Variants in MKNK1 observed in about 807,000 individuals in gnomAD.
MKNK1 encodes MAP kinase-interacting serine/threonine-protein kinase 1.
In MKNK1, 30 loss-of-function variants were observed where a neutral mutation model predicts 49.3. That is an observed-to-expected ratio of 0.61 (90% CI 0.46 to 0.83). The LOEUF (loss-of-function observed/expected upper bound fraction) is 0.83, where lower values mean the gene tolerates loss of function less well. Among genes scored for constraint, MKNK1 ranks in the 40% least tolerant of loss-of-function variants. The pLI, the probability that MKNK1 is intolerant of heterozygous loss-of-function variation, is 0.00. For missense variants in MKNK1, 423 were observed against 524.7 expected (o/e 0.81, Z 1.89); for synonymous variants, 176 against 201.7 (o/e 0.87, Z 1.08).
chr1:46,568,273 C>T (rs962720176), intron 8 of MKNK1, 170 bp downstream of exon 8: 20 of 633,600 alleles, frequency 3.2e-5, no homozygotes, highest in East Asian at 1.4e-4. Context: ...GAAGAAAGGA[C>T]GAGGATGGGC....
intron 12 of MKNK1, 106 bp from the exon 13 acceptor site, chr1:46,558,906 G>C (rs1045524534): frequency 1.1e-6 from 1 of 944,740 alleles, no homozygotes; most frequent in Non-Finnish European, 1.6e-6. Context: ...GCTCCCACCA[G>C]ATTTCCCAGA....
intron 7 of MKNK1, chr1:46,568,735 G>A (rs1227952652): frequency 1.9e-6 from 1 of 534,084 alleles, no homozygotes; most frequent in Non-Finnish European, 3.4e-6. Context: ...GATAAGAAGG[G>A]CTAAATGAAT....
chr1:46,578,685 CAA>C (rs1351563409), intron 4 of MKNK1, among the ~76,000 whole-genome samples: 5 of 150,584 alleles, frequency 3.3e-5, no homozygotes, highest in Non-Finnish European at 5.9e-5. Flanking sequence ...CTCCTGGGCT[CAA>C]GTGATCCTCC....
chr1:46,581,308 C>T (rs999694420), intron 3 of MKNK1, among the ~76,000 whole-genome samples: 7 of 151,810 alleles, frequency 4.6e-5, no homozygotes, highest in Admixed American at 6.6e-5. Flanking sequence ...GTGAAGAAAT[C>T]GAGACCATCC....
Position 46,564,466 on chromosome 1 carries a change from G to GTTTTTTTTTTTT in MKNK1, c.609+563_609+574dup, listed in dbSNP as rs568296534. Among the ~76,000 whole-genome samples, 38 of 70,170 alleles carry GTTTTTTTTTTTT rather than the reference G, an allele frequency of 5.4e-4. 6 individuals carry two copies. The highest frequency in any genetic ancestry group is 1.8e-3 in the African/African-American group (26 of 14,668). 46.0% of individuals were successfully genotyped at this position (70,170 alleles called of 152,430 possible). A position where few individuals can be genotyped will look rare whatever the true frequency, so the allele number is the denominator to read the frequency against. ...GGGCTCAGCCTGTGTTTTTTTTATTGTTTTTTTTTTTTTTTTTTTTTTTTT... is the reference window on the plus strand; with the variant it reads ...GGGCTCAGCCTGTGTTTTTTTTATTGTTTTTTTTTTTTTTTTTTTTTTTTTTTTTTTTTTTTT... On this transcript the variant is annotated intron_variant, in intron 9 of 12. Transcript: ENST00000371945.
At position 46,558,439 on chromosome 1, in the gene MKNK1, G is replaced by C; in HGVS notation, c.*136C>G. 1 of 872,066 alleles carries C rather than the reference G, an allele frequency of 1.1e-6. No homozygotes were observed. Among genetic ancestry groups the C allele is most frequent in the Admixed American group, 3.2e-5 (1 of 30,798 alleles). 54.0% of individuals were successfully genotyped at this position (872,066 alleles called of 1,614,324 possible). A position where few individuals can be genotyped will look rare whatever the true frequency, so the allele number is the denominator to read the frequency against. On this transcript the variant is annotated 3_prime_UTR_variant, in exon 13 of 13. Transcript: ENST00000371945. ...AAATGGGGGTTGATGGGAACCTCAG[G>C]GCCTTCGTAGATGAAAAAGCCTGAA... is the stretch of plus-strand genomic sequence containing the variant.
chr1:46,572,197 C>T, intron 6 of MKNK1, 30 bp from the exon 7 acceptor site: 1 of 1,585,868 alleles, frequency 6.3e-7, no homozygotes, highest in Non-Finnish European at 8.7e-7. Context: ...TAGAAGAATG[C>T]CTTTTTGGGC....
chr1:46,571,119 T>G (rs1218890080), intron 7 of MKNK1, among the ~76,000 whole-genome samples: 1 of 152,248 alleles, frequency 6.6e-6, no homozygotes, highest in Non-Finnish European at 1.5e-5. Context: ...GTGGAAAGAT[T>G]TAATTCACTA....
intron 10 of MKNK1, among the ~76,000 whole-genome samples, 186 bp from the exon 11 acceptor site, chr1:46,561,828 A>G (rs1461221194): frequency 6.6e-6 from 1 of 152,230 alleles, no homozygotes; most frequent in Non-Finnish European, 1.5e-5. Flanking sequence ...CAAACTATAT[A>G]GAATGCCCTT....
intron 2 of MKNK1, among the ~76,000 whole-genome samples, chr1:46,592,785 C>T (rs1673516688): frequency 6.6e-6 from 1 of 152,164 alleles, no homozygotes; most frequent in South Asian, 2.1e-4. Context: ...GTGTTTAATT[C>T]CTCTGTATCC....
Position 46,565,063 on chromosome 1 carries a change from G to T in MKNK1, c.587C>A (p.Thr196Asn). ...MKLNNSCTPI[T>N]TPELTTPCGS... ...TACTGGGGTGGTCAGCTCTGGTGTG[G>T]TTATGGGGGTACAGGAGTTGTTCAG... Residue 196 changes from threonine to asparagine, a missense_variant, in exon 9 of 13, where the codon ACC becomes AAC. Coordinates refer to ENST00000371945, the MANE Select transcript of MKNK1 (RefSeq NM_001135553.4). 1 of 1,614,200 alleles carries T rather than the reference G, an allele frequency of 6.2e-7. No individual in the cohort carries two copies. Among genetic ancestry groups the T allele is most frequent in the South Asian group, 1.1e-5 (1 of 91,088 alleles).
At chr1:46,576,316 C>A in intron 5 of MKNK1, 1 of 372,566 alleles carries the variant, frequency 2.7e-6, no homozygotes, top group East Asian at 5.4e-5. Flanking sequence ...CCCCAACAAC[C>A]ACTGATTCAG....
At chr1:46,601,675 C>T (rs1362930651) in intron 1 of MKNK1, among the ~76,000 whole-genome samples, 2 of 152,198 alleles carry the variant, frequency 1.3e-5, no homozygotes, top group Non-Finnish European at 2.9e-5. Flanking sequence ...CTGGGGCCCT[C>T]CTTAGGCACA....
chr1:46,588,543 C>T (rs191821661), intron 2 of MKNK1, among the ~76,000 whole-genome samples: 1 of 152,198 alleles, frequency 6.6e-6, no homozygotes, highest in African/African-American at 2.4e-5. Flanking sequence ...CGTGGTGGCT[C>T]ACGCCTGTAA....
At chr1:46,572,316 G>A (rs997799993) in intron 6 of MKNK1, 149 bp from the exon 7 acceptor site, 7 of 556,376 alleles carry the variant, frequency 1.3e-5, no homozygotes, top group Middle Eastern at 4.2e-4. Flanking sequence ...GGGTTCAAGC[G>A]ATTCTCCTGT....
intron 2 of MKNK1, among the ~76,000 whole-genome samples, chr1:46,587,988 T>A (rs1672814950): frequency 6.6e-6 from 1 of 152,254 alleles, no homozygotes; most frequent in Admixed American, 6.5e-5. Context: ...GCCAACTACA[T>A]GGATATTCTG....
intron 1 of MKNK1, among the ~76,000 whole-genome samples, chr1:46,598,794 G>A (rs1260150614): frequency 1.3e-5 from 2 of 152,182 alleles, no homozygotes; most frequent in Non-Finnish European, 2.9e-5. Context: ...CCTAACTACT[G>A]TCTCTCTGTA....
At chr1:46,573,072 G>A (rs571372473) in intron 6 of MKNK1, among the ~76,000 whole-genome samples, 1 of 152,170 alleles carries the variant, frequency 6.6e-6, no homozygotes, top group Admixed American at 6.5e-5. Context: ...ACCACAATTG[G>A]ACAAAATGGG....
intron 1 of MKNK1, among the ~76,000 whole-genome samples, chr1:46,596,078 A>G (rs1260426353): frequency 1.3e-5 from 2 of 152,164 alleles, no homozygotes; most frequent in Non-Finnish European, 2.9e-5. Flanking sequence ...TAGTCTTGTC[A>G]TAGGTTTAGA....
Sources: allele counts gnomAD v4.1 joint callset (sites outside exome capture counted in the v4.1 genomes callset), GRCh38; gene constraint gnomAD v4.1.1; transcripts MANE v1.5; gene names NCBI Gene and HGNC (gene_info 2026-07-23, HGNC 2026-07-21).